NRG1: variants seen among roughly 807,000 people sequenced by gnomAD.
NRG1 encodes pro-neuregulin-1, membrane-bound isoform.
In NRG1, 18 loss-of-function variants were observed where a neutral mutation model predicts 63.8. The ratio of observed to expected loss-of-function variants is 0.28; its 90% CI spans 0.19 to 0.42. NRG1 has a LOEUF of 0.42. Ranked by LOEUF, NRG1 falls within the 10% of genes least tolerant of loss-of-function variation. The probability of loss-of-function intolerance (pLI) is 1.00; values close to 1 mark genes in which losing one functional copy is unlikely to be tolerated. For missense variants in NRG1, 762 were observed against 814.7 expected (o/e 0.94, Z 0.79); for synonymous variants, 302 against 301.3 (o/e 1.00, Z -0.02).
chr8:31,677,394 T>C (rs576940281), intron 1 of NRG1, among the ~76,000 whole-genome samples: 2 of 152,292 alleles, frequency 1.3e-5, no homozygotes, highest in African/African-American at 4.8e-5. Context: ...CTATGGATTC[T>C]AAATAGATTC....
At chr8:32,049,125 T>C (rs188360181) in intron 1 of NRG1, among the ~76,000 whole-genome samples, 2 of 152,226 alleles carry the variant, frequency 1.3e-5, no homozygotes, top group Non-Finnish European at 2.9e-5. Context: ...CTGGATCACT[T>C]AAAGCCAGGT....
chr8:32,735,388 A>G (rs2129028607), intron 6 of NRG1, among the ~76,000 whole-genome samples: 1 of 152,334 alleles, frequency 6.6e-6, no homozygotes, highest in Non-Finnish European at 1.5e-5. Context: ...TTTCTACCCC[A>G]TAAATGTATA....
At chr8:32,748,762 C>T (rs892672689) in intron 7 of NRG1, 1 of 452,922 alleles carries the variant, frequency 2.2e-6, no homozygotes, top group African/African-American at 2.0e-5. Flanking sequence ...TTGGATCTTT[C>T]CCACTTATTT....
intron 1 of NRG1, among the ~76,000 whole-genome samples, chr8:31,869,187 C>T (rs1443077298): frequency 6.6e-6 from 1 of 152,154 alleles, no homozygotes; most frequent in African/African-American, 2.4e-5. Context: ...TAGGTAAAGT[C>T]TGCATTTGGT....
At chr8:32,684,120 C>A (rs1173301246) in intron 5 of NRG1, among the ~76,000 whole-genome samples, 1 of 152,082 alleles carries the variant, frequency 6.6e-6, no homozygotes, top group Non-Finnish European at 1.5e-5. Context: ...GAGCAGAGAT[C>A]ATGACACTGC....
chr8:32,235,493 T>C (rs1847448703), intron 1 of NRG1, among the ~76,000 whole-genome samples: 1 of 152,084 alleles, frequency 6.6e-6, no homozygotes, highest in South Asian at 2.1e-4. Flanking sequence ...CAAACATCTG[T>C]TTACATAAAT....
intron 1 of NRG1, among the ~76,000 whole-genome samples, chr8:31,665,976 C>T (rs1236990791): frequency 6.6e-6 from 1 of 152,094 alleles, no homozygotes; most frequent in Non-Finnish European, 1.5e-5. Context: ...GGAACAAAGC[C>T]ACGTTGTTCA....
intron 1 of NRG1, among the ~76,000 whole-genome samples, chr8:32,287,973 T>G (rs1853738332): frequency 6.6e-6 from 1 of 152,210 alleles, no homozygotes; most frequent in South Asian, 2.1e-4. Flanking sequence ...GCATTGTATT[T>G]TCAGTACACA....
intron 1 of NRG1, among the ~76,000 whole-genome samples, chr8:31,925,962 G>A (rs1338144488): frequency 6.6e-6 from 1 of 152,144 alleles, no homozygotes; most frequent in Non-Finnish European, 1.5e-5. Flanking sequence ...CTGGTTTTCA[G>A]TCATTTGATT....
chr8:32,506,455 G>T (rs1057184245), intron 1 of NRG1, among the ~76,000 whole-genome samples: 1 of 152,068 alleles, frequency 6.6e-6, no homozygotes, highest in Non-Finnish European at 1.5e-5. Context: ...ATACACCTGT[G>T]CCAATATTCT....
chr8:32,568,150 C>T (rs1248859320), intron 1 of NRG1, among the ~76,000 whole-genome samples: 1 of 152,166 alleles, frequency 6.6e-6, no homozygotes, highest in African/African-American at 2.4e-5. Flanking sequence ...ATTGGTCATT[C>T]GCTGCTTGGG....
At chr8:31,926,393 G>T (rs1834360211) in intron 1 of NRG1, among the ~76,000 whole-genome samples, 1 of 151,950 alleles carries the variant, frequency 6.6e-6, no homozygotes, top group South Asian at 2.1e-4. Context: ...CCTGCTTTCT[G>T]GATCTTGGTC....
chr8:32,460,152 A>G (rs777103289), intron 1 of NRG1, among the ~76,000 whole-genome samples: 17 of 152,250 alleles, frequency 1.1e-4, no homozygotes, highest in Non-Finnish European at 2.4e-4. Flanking sequence ...TTTGGCACAC[A>G]GATGTTACTT....
intron 1 of NRG1, among the ~76,000 whole-genome samples, chr8:32,230,181 G>T (rs1246584169): frequency 6.6e-6 from 1 of 152,146 alleles, no homozygotes; most frequent in African/African-American, 2.4e-5. Context: ...TATACTAAGA[G>T]CACGAACTAC....
At chr8:31,689,541 T>C (rs1809272970) in intron 1 of NRG1, among the ~76,000 whole-genome samples, 1 of 152,322 alleles carries the variant, frequency 6.6e-6, no homozygotes. Context: ...GCATACTTTT[T>C]CTTCTTGCCC....
intron 1 of NRG1, among the ~76,000 whole-genome samples, chr8:31,904,592 C>T (rs544365914): frequency 2.6e-5 from 4 of 152,190 alleles, no homozygotes; most frequent in African/African-American, 9.7e-5. Flanking sequence ...TTCATCGCAG[C>T]AGTGTTCACA....
intron 1 of NRG1, among the ~76,000 whole-genome samples, chr8:31,725,498 C>G (rs1253169574): frequency 6.6e-6 from 1 of 152,044 alleles, no homozygotes; most frequent in Non-Finnish European, 1.5e-5. Context: ...ACAAATGTTT[C>G]AAAGTTTTGA....
rs146360274 is a variant in NRG1, at chr8:32,288,151, GGA to G, written c.38-307658_38-307657del. ...TATTTTGCCTAAAGCAAGACAGATA[GGA>G]GAGAGAGAGAGAGAGAGATAATACA... On this transcript the variant is annotated intron_variant, in intron 1 of 10. Transcript: ENST00000519301. Among the ~76,000 whole-genome samples the G allele has an allele frequency of 1.7e-4, 25 of 150,302 alleles. No homozygotes were observed. In the East Asian group the frequency reaches 2.1e-3, roughly 13 times the overall value.
chr8:31,911,929 G>T (rs1832976179), intron 1 of NRG1, among the ~76,000 whole-genome samples: 2 of 152,292 alleles, frequency 1.3e-5, no homozygotes, highest in African/African-American at 4.8e-5. Flanking sequence ...ATTGAACTAA[G>T]AATCAGAGAC....
Sources: gnomAD v4.1 joint callset for allele counts (sites outside exome capture counted in the v4.1 genomes callset) on GRCh38, gnomAD v4.1.1 for gene constraint, MANE v1.5 for transcripts, NCBI Gene and HGNC (gene_info 2026-07-23, HGNC 2026-07-21) for gene names.